Variants in TAS2R1 observed in about 807,000 individuals in gnomAD.
TAS2R1 encodes taste receptor type 2 member 1.
For synonymous variants in TAS2R1, 141 were observed against 134.2 expected (o/e 1.05, Z -0.35); for missense variants, 370 against 353.4 (o/e 1.05, Z -0.38).
At chr5:9,752,552 TA>T in the TAS2R1 span, among the ~76,000 whole-genome samples, 4 of 140,418 alleles carry the variant, frequency 2.8e-5, no homozygotes, top group African/African-American at 1.0e-4. Context: ...TTAGCAAATA[TA>T]TCATTTTTTT....
chr5:9,725,258 G>T, the TAS2R1 span, among the ~76,000 whole-genome samples: 1 of 152,374 alleles, frequency 6.6e-6, no homozygotes, highest in Non-Finnish European at 1.5e-5. Context: ...GCCCCCTTCT[G>T]GGCTGGCCAA....
chr5:9,765,599 C>T, the TAS2R1 span: 3 of 152,192 alleles, frequency 2.0e-5, no homozygotes, highest in East Asian at 5.8e-4. Flanking sequence ...TCTTTAGCGC[C>T]CACCACCATC....
Position 9,629,720 on chromosome 5 carries a change from C to T in TAS2R1, c.313G>A (p.Ala105Thr), listed in dbSNP as rs762085651. The change falls in exon 1 of 1, where the codon GCC becomes ACC. Residue 105 changes from alanine (A) to threonine (T), a missense_variant. By Grantham distance (58) the Ala-to-Thr change is moderately conservative. Transcript: ENST00000382492. Reference sequence around the variant, plus strand: ...GGGTGACGGACGCTGGCAACCTTGGCACAATAGAAAACGCCGAGCCATGTG... The same window carrying T: ...GGGTGACGGACGCTGGCAACCTTGGTACAATAGAAAACGCCGAGCCATGTG... Reference protein sequence around the residue: ...LATWLGVFYCAKVASVRHPLF... With the variant: ...LATWLGVFYCTKVASVRHPLF... The T allele has an allele frequency of 6.2e-7, 1 of 1,613,992 alleles. No individual in the cohort carries two copies. Among genetic ancestry groups the T allele is most frequent in the Admixed American group, 1.7e-5 (1 of 59,988 alleles).
chr5:9,795,938 C>G, the TAS2R1 span, among the ~76,000 whole-genome samples: 5 of 152,094 alleles, frequency 3.3e-5, no homozygotes, highest in Non-Finnish European at 7.4e-5. Context: ...GCTCAACCAC[C>G]CCAGACATTT....
chr5:9,824,737 C>T, the TAS2R1 span, among the ~76,000 whole-genome samples: 1 of 151,394 alleles, frequency 6.6e-6, no homozygotes, highest in Non-Finnish European at 1.5e-5. Context: ...ATCCCAGCTA[C>T]TCAGGAGTTT....
intron 1 of TAS2R1, among the ~76,000 whole-genome samples, chr5:9,676,994 T>C (rs992643516): frequency 6.6e-6 from 1 of 152,106 alleles, no homozygotes; most frequent in African/African-American, 2.4e-5. Context: ...AGCAATCACA[T>C]GGAATCAACC....
the TAS2R1 span, among the ~76,000 whole-genome samples, chr5:9,735,446 C>T: frequency 6.6e-6 from 1 of 151,526 alleles, no homozygotes; most frequent in Non-Finnish European, 1.5e-5. Flanking sequence ...AGGCAAAAAG[C>T]TCACGATGCT....
intron 2 of TAS2R1, chr5:9,641,432 C>T (rs1740082808): frequency 6.6e-6 from 1 of 152,144 alleles, no homozygotes; most frequent in African/African-American, 2.4e-5. Context: ...CTGTCACTGT[C>T]TCTTCCATGG....
At chr5:9,742,698 A>G in the TAS2R1 span, among the ~76,000 whole-genome samples, 1 of 152,208 alleles carries the variant, frequency 6.6e-6, no homozygotes, top group African/African-American at 2.4e-5. Flanking sequence ...TTCTGTTACC[A>G]CATGCCACAT....
the TAS2R1 span, among the ~76,000 whole-genome samples, chr5:9,854,134 C>T: frequency 6.6e-6 from 1 of 152,194 alleles, no homozygotes; most frequent in Non-Finnish European, 1.5e-5. Context: ...GCTTCAGCCT[C>T]TCTAGCTTCT....
At chr5:9,769,656 A>T in the TAS2R1 span, among the ~76,000 whole-genome samples, 1 of 152,158 alleles carries the variant, frequency 6.6e-6, no homozygotes, top group Non-Finnish European at 1.5e-5. Flanking sequence ...CAGTTCTCTG[A>T]TGGTCAGCGA....
chr5:9,804,366 A>G, the TAS2R1 span, among the ~76,000 whole-genome samples: 1 of 152,144 alleles, frequency 6.6e-6, no homozygotes, highest in Non-Finnish European at 1.5e-5. Context: ...GAAACAATGG[A>G]CTTAAATCAT....
the TAS2R1 span, among the ~76,000 whole-genome samples, chr5:9,784,128 G>T: frequency 6.4e-4 from 97 of 152,324 alleles, no homozygotes; most frequent in African/African-American, 2.2e-3. Flanking sequence ...CCATGTAAGG[G>T]TTTACTATGA....
chr5:9,756,537 T>C, the TAS2R1 span, among the ~76,000 whole-genome samples: 6 of 152,318 alleles, frequency 3.9e-5, no homozygotes, highest in African/African-American at 1.2e-4. Flanking sequence ...ATTTGACAGC[T>C]TTTCCCATGG....
the TAS2R1 span, among the ~76,000 whole-genome samples, chr5:9,822,634 C>G: frequency 6.6e-6 from 1 of 152,042 alleles, no homozygotes; most frequent in Non-Finnish European, 1.5e-5. Flanking sequence ...CAGGTGTGAG[C>G]CACCGTGCCC....
chr5:9,819,935 C>T, the TAS2R1 span, among the ~76,000 whole-genome samples: 3 of 152,002 alleles, frequency 2.0e-5, no homozygotes, highest in African/African-American at 7.3e-5. Context: ...TGTATTTGTT[C>T]CCATGTAAGT....
chr5:9,831,638 T>C, the TAS2R1 span, among the ~76,000 whole-genome samples: 29 of 148,654 alleles, frequency 2.0e-4, 1 homozygote, highest in East Asian at 5.1e-3. Context: ...TTTCAAATCG[T>C]AACATATTAG....
the TAS2R1 span, among the ~76,000 whole-genome samples, chr5:9,785,688 A>G: frequency 6.6e-5 from 10 of 152,322 alleles, no homozygotes; most frequent in Admixed American, 5.9e-4. Flanking sequence ...CCTATAAACC[A>G]TCACATTTAT....
chr5:9,700,617 G>A (rs967135416), intron 1 of TAS2R1, among the ~76,000 whole-genome samples: 3 of 152,154 alleles, frequency 2.0e-5, no homozygotes, highest in Non-Finnish European at 2.9e-5. Context: ...TAGGACACCC[G>A]TAACAAAGTA....
Sources: gnomAD v4.1 joint callset for allele counts (sites outside exome capture counted in the v4.1 genomes callset) on GRCh38, gnomAD v4.1.1 for gene constraint, MANE v1.5 for transcripts, NCBI Gene and HGNC (gene_info 2026-07-23, HGNC 2026-07-21) for gene names.